Variants in NALCN observed in about 807,000 individuals in gnomAD.
NALCN encodes sodium leak channel, non-selective, also known as sodium leak channel NALCN.
In NALCN, 111 loss-of-function variants were observed where a neutral mutation model predicts 225.3. The ratio of observed to expected loss-of-function variants is 0.49; its 90% confidence interval spans 0.42 to 0.58. The LOEUF is 0.58. Ranked by LOEUF, NALCN falls within the 20% of genes least tolerant of loss-of-function variation. NALCN has a pLI of 0.00. For missense variants in NALCN, 1,378 were observed against 2,202.4 expected, an observed-to-expected ratio of 0.63 and a Z score of 7.49; for synonymous variants, 764 against 769.0, an observed-to-expected ratio of 0.99 and a Z score of 0.11.
At chr13:101,220,391 C>T (rs1299636519) in intron 13 of NALCN, among the ~76,000 whole-genome samples, 1 of 152,178 alleles carries the variant, frequency 6.6e-6, no homozygotes, top group Non-Finnish European at 1.5e-5. Context: ...ATCATCTCTC[C>T]TGAATGATTT....
chr13:101,083,005 G>A (rs1316239737), intron 32 of NALCN, 87 bp downstream of exon 32: 62 of 1,537,332 alleles, frequency 4.0e-5, no homozygotes, highest in Middle Eastern at 3.4e-4. Flanking sequence ...GAACATAACC[G>A]TGAATGCATA....
intron 10 of NALCN, among the ~76,000 whole-genome samples, chr13:101,283,368 G>T (rs2043231831): frequency 6.6e-6 from 1 of 152,094 alleles, no homozygotes; most frequent in Non-Finnish European, 1.5e-5. Context: ...GCTTGGAGAA[G>T]ATGGTTTTTC....
chr13:101,400,185 C>T (rs962932068), intron 1 of NALCN, among the ~76,000 whole-genome samples: 3 of 152,028 alleles, frequency 2.0e-5, no homozygotes, highest in African/African-American at 7.3e-5. Context: ...CATCTTCTTA[C>T]ACATGCATGA....
chr13:101,296,400 C>G (rs1041776774), intron 7 of NALCN, among the ~76,000 whole-genome samples: 1 of 152,154 alleles, frequency 6.6e-6, no homozygotes, highest in African/African-American at 2.4e-5. Flanking sequence ...AGTGAATTGA[C>G]TTTGCTTTGC....
chr13:101,111,759 T>C (rs1286873924), intron 18 of NALCN, among the ~76,000 whole-genome samples: 1 of 152,210 alleles, frequency 6.6e-6, no homozygotes, highest in Non-Finnish European at 1.5e-5. Context: ...TCTGCTGCCA[T>C]ATAAGACGTG....
At chr13:101,364,445 C>A (rs983267764) in intron 6 of NALCN, among the ~76,000 whole-genome samples, 1 of 152,074 alleles carries the variant, frequency 6.6e-6, no homozygotes, top group Non-Finnish European at 1.5e-5. Flanking sequence ...ATGGACAGAA[C>A]TGGAGGTCAT....
At position 101,054,567 on chromosome 13, in the gene NALCN, G is replaced by GTGAT. The variant is rs1379504276; in HGVS notation, c.*724_*727dup. The GTGAT allele has an allele frequency of 6.6e-6, 1 of 152,168 alleles. No individual in the cohort carries two copies. Among genetic ancestry groups the GTGAT allele is most frequent in the Non-Finnish European group, 1.5e-5 (1 of 68,024 alleles). The allele number at this position is 152,168 out of a possible 1,614,324, so 9.4% of individuals were successfully genotyped here. A position where few individuals can be genotyped will look rare whatever the true frequency, so the allele number is the denominator to read the frequency against. On this transcript the variant is annotated 3_prime_UTR_variant, in exon 44 of 44. Coordinates refer to ENST00000251127, the MANE Select transcript of NALCN (RefSeq NM_052867.4). ...ATCTTTGCGCAACTATGTCACTCAA[G>GTGAT]TGATTTATCTACAGGTTTGTTTTAA...
chr13:101,064,739 C>T (rs1226622107), intron 40 of NALCN, among the ~76,000 whole-genome samples: 2 of 152,144 alleles, frequency 1.3e-5, no homozygotes, highest in Non-Finnish European at 1.5e-5. Flanking sequence ...CCCGCAATAC[C>T]TCCATCTCGG....
intron 7 of NALCN, among the ~76,000 whole-genome samples, chr13:101,333,343 A>G (rs2045253930): frequency 6.6e-6 from 1 of 152,112 alleles, no homozygotes; most frequent in South Asian, 2.1e-4. Context: ...TTTATTTAGC[A>G]TATTTAAGTT....
At chr13:101,222,250 C>T (rs895203064) in intron 13 of NALCN, among the ~76,000 whole-genome samples, 1 of 152,042 alleles carries the variant, frequency 6.6e-6, no homozygotes, top group African/African-American at 2.4e-5. Context: ...TTCTACAAAC[C>T]CCTTCAGGTA....
At chr13:101,197,409 G>A (rs1210559415) in intron 13 of NALCN, among the ~76,000 whole-genome samples, 1 of 151,978 alleles carries the variant, frequency 6.6e-6, no homozygotes. Flanking sequence ...CTGTAGTTAT[G>A]CTGGTATAAT....
intron 7 of NALCN, among the ~76,000 whole-genome samples, chr13:101,300,899 T>C (rs2043941765): frequency 1.3e-5 from 2 of 152,356 alleles, no homozygotes; most frequent in East Asian, 1.9e-4. Context: ...TACTTTAATT[T>C]TGATTTTGGT....
At chr13:101,196,301 TA>T (rs1448231821) in intron 13 of NALCN, among the ~76,000 whole-genome samples, 4 of 152,220 alleles carry the variant, frequency 2.6e-5, no homozygotes, top group Admixed American at 6.5e-5. Flanking sequence ...ACATTACACT[TA>T]TCATTTAGAA....
chr13:101,363,857 A>T (rs1251465196), intron 6 of NALCN, among the ~76,000 whole-genome samples: 6 of 152,172 alleles, frequency 3.9e-5, no homozygotes, highest in Non-Finnish European at 4.4e-5. Context: ...AATAACCAGA[A>T]TATATAAAGA....
intron 7 of NALCN, among the ~76,000 whole-genome samples, chr13:101,310,202 G>A (rs1234882838): frequency 2.0e-5 from 3 of 152,134 alleles, no homozygotes; most frequent in African/African-American, 4.8e-5. Flanking sequence ...GATCAGTTTT[G>A]TCTCGCCTCT....
chr13:101,329,841 C>G, intron 7 of NALCN, among the ~76,000 whole-genome samples: 1 of 151,864 alleles, frequency 6.6e-6, no homozygotes, highest in Admixed American at 6.6e-5. Context: ...GAGTTCTAAA[C>G]CAGCCTGGCC....
At chr13:101,114,230 C>T (rs2035587302) in intron 18 of NALCN, among the ~76,000 whole-genome samples, 1 of 152,142 alleles carries the variant, frequency 6.6e-6, no homozygotes, top group Admixed American at 6.6e-5. Context: ...CCTCCATTTC[C>T]CATATGTAAA....
chr13:101,284,127 A>G (rs1046044944), intron 9 of NALCN, 108 bp from the exon 10 acceptor site: 3 of 835,220 alleles, frequency 3.6e-6, no homozygotes, highest in African/African-American at 3.6e-5. Context: ...TTGTCTTCTT[A>G]TGGATTTATA....
intron 7 of NALCN, among the ~76,000 whole-genome samples, chr13:101,319,370 A>G (rs1765960): frequency 0.41 from 61,981 of 151,926 alleles, 12,990 homozygotes; most frequent in Middle Eastern, 0.47. Context: ...CTGATAGTGG[A>G]AGCACTGATT....
Sources: gnomAD v4.1 joint callset for allele counts (sites outside exome capture counted in the v4.1 genomes callset) on GRCh38, gnomAD v4.1.1 for gene constraint, MANE v1.5 for transcripts, NCBI Gene and HGNC (gene_info 2026-07-23, HGNC 2026-07-21) for gene names.